Variants in AHI1 observed in about 807,000 individuals in gnomAD.
The protein encoded by AHI1 is Abelson helper integration site 1, also known as jouberin.
A neutral mutation model predicts 149.3 loss-of-function variants in AHI1; 123 were observed. That is an observed-to-expected ratio of 0.82 (90% CI 0.71 to 0.96). AHI1 has a LOEUF of 0.96. AHI1 is among the 40% of genes least tolerant of loss of function. AHI1 has a pLI of 0.00. For missense variants in AHI1, 1,439 were observed against 1,422.7 expected, an observed-to-expected ratio of 1.01 and a Z score of -0.18; for synonymous variants, 475 against 459.8, an observed-to-expected ratio of 1.03 and a Z score of -0.42.
At chr6:135,339,723 G>A (rs1038100676) in intron 24 of AHI1, among the ~76,000 whole-genome samples, 1 of 152,092 alleles carries the variant, frequency 6.6e-6, no homozygotes, top group East Asian at 1.9e-4. Flanking sequence ...TGCATAACAG[G>A]ACTCCCAGAA....
At chr6:135,346,693 G>A (rs1282458297) in intron 24 of AHI1, among the ~76,000 whole-genome samples, 6 of 152,176 alleles carry the variant, frequency 3.9e-5, no homozygotes, top group Admixed American at 2.6e-4. Flanking sequence ...TCTCAAGGAA[G>A]AGATGAAGCA....
At chr6:135,348,459 T>C (rs1008555594) in intron 24 of AHI1, among the ~76,000 whole-genome samples, 4 of 152,194 alleles carry the variant, frequency 2.6e-5, no homozygotes, top group Admixed American at 2.6e-4. Flanking sequence ...GTAACCACTA[T>C]ATCTTATTTT....
intron 27 of AHI1, among the ~76,000 whole-genome samples, chr6:135,296,144 C>T (rs1349297705): frequency 6.6e-6 from 1 of 152,148 alleles, no homozygotes; most frequent in Non-Finnish European, 1.5e-5. Flanking sequence ...CGTGAGCCAC[C>T]GCGCCTGGCC....
At chr6:135,467,505 C>T (rs1205058721) in intron 6 of AHI1, 76 bp downstream of exon 6, 20 of 1,161,244 alleles carry the variant, frequency 1.7e-5, no homozygotes, top group Non-Finnish European at 2.6e-5. Flanking sequence ...AAAACCATTG[C>T]TGACTGTGTA....
chr6:135,357,369 A>G (rs1793155147), intron 24 of AHI1, among the ~76,000 whole-genome samples: 1 of 152,212 alleles, frequency 6.6e-6, no homozygotes, highest in Non-Finnish European at 1.5e-5. Flanking sequence ...GACATTTTGG[A>G]TTTCTAATTT....
At chr6:135,491,041 T>C (rs1457921277) in intron 4 of AHI1, among the ~76,000 whole-genome samples, 1 of 152,214 alleles carries the variant, frequency 6.6e-6, no homozygotes, top group Non-Finnish European at 1.5e-5. Flanking sequence ...TTACGTGTTA[T>C]GTGGCTTTAG....
At chr6:135,374,734 G>A (rs1775646100) in intron 23 of AHI1, among the ~76,000 whole-genome samples, 1 of 152,074 alleles carries the variant, frequency 6.6e-6, no homozygotes, top group African/African-American at 2.4e-5. Context: ...GTGTAAAACA[G>A]TATGAAGAAC....
intron 28 of AHI1, among the ~76,000 whole-genome samples, chr6:135,286,903 A>G (rs567375025): frequency 6.6e-6 from 1 of 152,348 alleles, no homozygotes; most frequent in South Asian, 2.1e-4. Flanking sequence ...GTCTCCCTGT[A>G]CATATACAGA....
chr6:135,299,115 C>T (rs1783533699), intron 27 of AHI1, among the ~76,000 whole-genome samples: 1 of 151,982 alleles, frequency 6.6e-6, no homozygotes, highest in Non-Finnish European at 1.5e-5. Flanking sequence ...GAGACTGGAA[C>T]TAAAAACATA....
chr6:135,473,872 A>G (rs1458921793), intron 5 of AHI1, among the ~76,000 whole-genome samples: 1 of 152,182 alleles, frequency 6.6e-6, no homozygotes, highest in Non-Finnish European at 1.5e-5. Context: ...CTGAATCACA[A>G]TGGTTCTATT....
At chr6:135,472,921 T>A (rs1562255836) in intron 5 of AHI1, among the ~76,000 whole-genome samples, 1 of 152,200 alleles carries the variant, frequency 6.6e-6, no homozygotes, top group South Asian at 2.1e-4. Flanking sequence ...AAATATTTTA[T>A]CTAAACCTAT....
chr6:135,321,007 T>G (rs1189863157), intron 25 of AHI1, among the ~76,000 whole-genome samples: 1 of 152,242 alleles, frequency 6.6e-6, no homozygotes, highest in Non-Finnish European at 1.5e-5. Flanking sequence ...GGAATTAACT[T>G]GCCCTAAAAT....
intron 5 of AHI1, among the ~76,000 whole-genome samples, chr6:135,476,431 C>T (rs1792656444): frequency 6.6e-6 from 1 of 150,896 alleles, no homozygotes; most frequent in Non-Finnish European, 1.5e-5. Flanking sequence ...GTGAATATTC[C>T]ATATGCACTA....
chr6:135,303,501 T>G (rs1784148027), intron 26 of AHI1, among the ~76,000 whole-genome samples: 1 of 152,016 alleles, frequency 6.6e-6, no homozygotes. Flanking sequence ...CTTGTCTTGG[T>G]TCTGTCATTA....
intron 7 of AHI1, among the ~76,000 whole-genome samples, chr6:135,465,116 T>A (rs529947576): frequency 6.6e-6 from 1 of 152,324 alleles, no homozygotes; most frequent in South Asian, 2.1e-4. Flanking sequence ...AAATTGATGC[T>A]GAATGCCAAA....
intron 8 of AHI1, among the ~76,000 whole-genome samples, chr6:135,460,348 C>T (rs78209071): frequency 0.012 from 1,851 of 152,132 alleles, 42 homozygotes; most frequent in African/African-American, 0.042. Context: ...CATCAAATCC[C>T]AGGAATAAAT....
chr6:135,431,902 C>T (rs1310089862), intron 16 of AHI1, among the ~76,000 whole-genome samples: 1 of 151,762 alleles, frequency 6.6e-6, no homozygotes, highest in Non-Finnish European at 1.5e-5. Flanking sequence ...TGAACTGCTT[C>T]CTGTATTAAA....
intron 20 of AHI1, 146 bp from the exon 21 acceptor site, chr6:135,411,690 T>C: frequency 1.9e-6 from 1 of 525,284 alleles, no homozygotes; most frequent in Non-Finnish European, 3.0e-6. Context: ...TAGCAAAATT[T>C]GAAATTATTC....
intron 19 of AHI1, 94 bp downstream of exon 19, chr6:135,428,535 C>T: frequency 7.5e-7 from 1 of 1,339,550 alleles, no homozygotes; most frequent in Non-Finnish European, 9.7e-7. Context: ...ATCAGAATTT[C>T]CTTGAAAATT....
Sources: gnomAD v4.1 joint callset for allele counts (sites outside exome capture counted in the v4.1 genomes callset) on GRCh38, gnomAD v4.1.1 for gene constraint, MANE v1.5 for transcripts, NCBI Gene and HGNC (gene_info 2026-07-23, HGNC 2026-07-21) for gene names.